PBX3: variants seen among roughly 807,000 people sequenced by gnomAD.
PBX3 encodes the protein pre-B-cell leukemia transcription factor 3.
Under a neutral mutation model 48.5 loss-of-function variants are expected in PBX3, and 14 were observed. The observed-to-expected ratio is 0.29, with a 90% CI of 0.19 to 0.45. The LOEUF is 0.45. Among genes scored for constraint, PBX3 ranks in the 20% least tolerant of loss-of-function variants. The pLI is 1.00. For synonymous variants in PBX3, 210 were observed against 200.3 expected, an observed-to-expected ratio of 1.05 and a Z score of -0.41; for missense variants, 386 against 546.7, an observed-to-expected ratio of 0.71 and a Z score of 2.93.
chr9:125,965,435 T>C (rs530565805), intron 8 of PBX3, among the ~76,000 whole-genome samples: 180 of 152,324 alleles, frequency 1.2e-3, no homozygotes, highest in Non-Finnish European at 1.9e-3. Flanking sequence ...ATGGAAATGA[T>C]GATTAAGCCG....
intron 2 of PBX3, among the ~76,000 whole-genome samples, chr9:125,761,213 CTTTTTTT>C: frequency 7.0e-6 from 1 of 143,744 alleles, no homozygotes; most frequent in African/African-American, 2.5e-5. Flanking sequence ...TTTCTTTTTT[CTTTTTTT>C]TTTTGCTAGA....
intron 5 of PBX3, among the ~76,000 whole-genome samples, chr9:125,956,069 G>A (rs1255806046): frequency 6.6e-6 from 1 of 152,164 alleles, no homozygotes; most frequent in East Asian, 1.9e-4. Context: ...TTTCTTCCTT[G>A]ATAAAACATG....
intron 2 of PBX3, among the ~76,000 whole-genome samples, chr9:125,768,894 C>G (rs1226803073): frequency 6.6e-6 from 1 of 152,076 alleles, no homozygotes. Context: ...TATTGTTTTA[C>G]TTGAAGTATA....
chr9:125,750,288 T>C (rs575314062), intron 2 of PBX3, among the ~76,000 whole-genome samples: 1 of 152,228 alleles, frequency 6.6e-6, no homozygotes, highest in African/African-American at 2.4e-5. Context: ...TACTTATCGC[T>C]TCTCATCCCC....
At chr9:125,812,458 GTTTC>G (rs1838319079) in intron 2 of PBX3, among the ~76,000 whole-genome samples, 2 of 152,120 alleles carry the variant, frequency 1.3e-5, no homozygotes, top group African/African-American at 4.8e-5. Flanking sequence ...GATTTGCTTT[GTTTC>G]TTTTCCATTT....
intron 8 of PBX3, among the ~76,000 whole-genome samples, chr9:125,965,606 C>G (rs1248576135): frequency 6.6e-6 from 1 of 152,200 alleles, no homozygotes; most frequent in Non-Finnish European, 1.5e-5. Flanking sequence ...TGAAGCCCTT[C>G]TTCGGCGTGT....
intron 2 of PBX3, among the ~76,000 whole-genome samples, chr9:125,905,830 A>C (rs1841057780): frequency 6.6e-6 from 1 of 152,022 alleles, no homozygotes; most frequent in Non-Finnish European, 1.5e-5. Context: ...CATTATTAAC[A>C]TAGAAGTCTT....
intron 3 of PBX3, among the ~76,000 whole-genome samples, chr9:125,927,487 G>T (rs991538587): frequency 1.4e-4 from 21 of 152,180 alleles, no homozygotes; most frequent in African/African-American, 4.3e-4. Flanking sequence ...TGCTATATGT[G>T]AGCAATGTTT....
intron 2 of PBX3, among the ~76,000 whole-genome samples, chr9:125,912,190 T>G (rs1018269233): frequency 1.3e-5 from 2 of 152,168 alleles, no homozygotes; most frequent in African/African-American, 4.8e-5. Context: ...CTAATCTGCT[T>G]ATTTATAATT....
chr9:125,770,399 GGGGAATATAGTACTTA>G (rs1836910452), intron 2 of PBX3, among the ~76,000 whole-genome samples: 1 of 152,212 alleles, frequency 6.6e-6, no homozygotes, highest in South Asian at 2.1e-4. Context: ...AGTTTTTGAA[GGGGAATATAGTACTTA>G]GGCATTAAAA....
chr9:125,780,971 G>C (rs1456926092), intron 2 of PBX3, among the ~76,000 whole-genome samples: 1 of 114,172 alleles, frequency 8.8e-6, no homozygotes, highest in Admixed American at 8.8e-5. Context: ...TTGCGGCCGG[G>C]CAGAGGCGCT....
chr9:125,952,550 T>G (rs968383349), intron 5 of PBX3, among the ~76,000 whole-genome samples: 1 of 152,238 alleles, frequency 6.6e-6, no homozygotes, highest in Non-Finnish European at 1.5e-5. Context: ...CATGGAGTTT[T>G]TCTTAAATGC....
rs1186794647 is a variant in PBX3, at chr9:125,899,268, A to AAT, written c.275-16414_275-16413dup. On this transcript the variant is annotated intron_variant, in intron 2 of 8. Transcript: ENST00000373489. ...ACATATGTATATATATTTATATATA[A>AAT]ATATACATATGTATATATATTTATA... is the stretch of plus-strand genomic sequence containing the variant. 2.3e-4 allele frequency among the ~76,000 whole-genome samples: 27 copies of AAT among 119,422 alleles called. 1 individual carries two copies. Among genetic ancestry groups the AAT allele is most frequent in the African/African-American group, 7.8e-4 (25 of 31,996 alleles). The allele number at this position is 119,422 out of a possible 152,430, so 78.3% of individuals were successfully genotyped here.
At chr9:125,752,260 A>G (rs372262264) in intron 2 of PBX3, among the ~76,000 whole-genome samples, 1 of 152,202 alleles carries the variant, frequency 6.6e-6, no homozygotes, top group South Asian at 2.1e-4. Flanking sequence ...TGACTTGGGA[A>G]GATCATAAAA....
chr9:125,850,928 AGGAAG>A (rs545575688), intron 2 of PBX3, among the ~76,000 whole-genome samples: 3 of 152,226 alleles, frequency 2.0e-5, no homozygotes, highest in African/African-American at 7.2e-5. Context: ...AAAAATCAAT[AGGAAG>A]GTTAAGCTGG....
intron 2 of PBX3, among the ~76,000 whole-genome samples, chr9:125,827,785 A>G (rs953430973): frequency 6.6e-6 from 1 of 152,186 alleles, no homozygotes; most frequent in African/African-American, 2.4e-5. Context: ...GCTTGTACAC[A>G]TATTTTTGTC....
chr9:125,773,330 T>A (rs750621374), intron 2 of PBX3, among the ~76,000 whole-genome samples: 12 of 152,178 alleles, frequency 7.9e-5, no homozygotes, highest in Non-Finnish European at 1.6e-4. Context: ...TATGTATCTT[T>A]CAGATCCTAG....
In PBX3 at chr9:125,956,386, G is replaced by T. The variant is rs1842308791; in HGVS notation, c.844-4298G>T. Among the ~76,000 whole-genome samples, 3 of 152,170 alleles carry T rather than the reference G, an allele frequency of 2.0e-5. 1 individual carries two copies. In the South Asian group the frequency reaches 6.2e-4, roughly 32 times the overall value. On this transcript the variant is annotated intron_variant, in intron 5 of 8. Coordinates refer to ENST00000373489, the MANE Select transcript of PBX3 (RefSeq NM_006195.6). The stretch of plus-strand genomic sequence containing the variant: ...AATGAGTAAAAGCTTTTTGAAGAAG[G>T]TAAAAAAGCTAGGTAAAAGGTGAAT...
intron 2 of PBX3, among the ~76,000 whole-genome samples, chr9:125,808,244 G>T (rs748212886): frequency 6.6e-6 from 1 of 152,152 alleles, no homozygotes; most frequent in African/African-American, 2.4e-5. Flanking sequence ...AAAATAGGAC[G>T]TATAGTGTGA....
Sources: gnomAD v4.1 joint callset for allele counts (sites outside exome capture counted in the v4.1 genomes callset) on GRCh38, gnomAD v4.1.1 for gene constraint, MANE v1.5 for transcripts, NCBI Gene and HGNC (gene_info 2026-07-23, HGNC 2026-07-21) for gene names.